RBFOX3: variants seen among roughly 807,000 people sequenced by gnomAD.
RBFOX3 encodes the protein RNA binding fox-1 homolog 3.
In RBFOX3, 17 loss-of-function variants were observed where a neutral mutation model predicts 48.7. The ratio of observed to expected loss-of-function variants is 0.35; its 90% CI spans 0.24 to 0.52. RBFOX3 has a LOEUF of 0.52. Ranked by LOEUF, RBFOX3 falls within the 20% of genes least tolerant of loss-of-function variation. RBFOX3 has a pLI of 0.94. For missense variants in RBFOX3, 382 were observed against 497.5 expected, an observed-to-expected ratio of 0.77 and a Z score of 2.21; for synonymous variants, 212 against 209.5, an observed-to-expected ratio of 1.01 and a Z score of -0.10.
chr17:79,185,086 A>G lies in RBFOX3; in HGVS notation c.-34+50680T>C, dbSNP rs142162033. Among the ~76,000 whole-genome samples the G allele has an allele frequency of 7.2e-3, 1,098 of 151,456 alleles. 13 individuals carry two copies. Among genetic ancestry groups the G allele is most frequent in the African/African-American group, 0.026 (1,051 of 40,794 alleles). On this transcript the variant is annotated intron_variant, in intron 4 of 14. Coordinates refer to ENST00000693108, the MANE Select transcript of RBFOX3 (RefSeq NM_001350451.2). ...TGCAGGCACCTGGGACCATTCTCTC[A>G]GGTGCCCCTTGTTCATCTTCTTCGT...
upstream of RBFOX3, among the ~76,000 whole-genome samples, chr17:79,613,611 C>T (rs909753123): frequency 6.6e-6 from 1 of 152,270 alleles, no homozygotes; most frequent in East Asian, 1.9e-4. Flanking sequence ...TTGGGGCCAA[C>T]AGGACGACTG....
intron 2 of RBFOX3, among the ~76,000 whole-genome samples, chr17:79,447,052 CT>C (rs1368203647): frequency 1.3e-5 from 2 of 152,240 alleles, no homozygotes; most frequent in African/African-American, 4.8e-5. Flanking sequence ...CTGGGCCTCC[CT>C]TCAAATGCCT....
chr17:79,179,941 A>C (rs2051503300), intron 4 of RBFOX3, among the ~76,000 whole-genome samples: 1 of 152,206 alleles, frequency 6.6e-6, no homozygotes, highest in Non-Finnish European at 1.5e-5. Context: ...GCCGGCGCCC[A>C]AGTGGGGCTC....
intron 1 of RBFOX3, among the ~76,000 whole-genome samples, chr17:79,508,555 A>T (rs1343816307): frequency 6.6e-6 from 1 of 152,156 alleles, no homozygotes; most frequent in Non-Finnish European, 1.5e-5. Context: ...GCTCGGCCGA[A>T]GCTGACTGGA....
At position 79,561,595 on chromosome 17, in the gene RBFOX3, G is replaced by A. The variant is rs1027807496; in HGVS notation, c.-320+49231C>T. ...CACCGCTGAAACTGAAAAGCGGTGC[G>A]TGTTGGTGACAGCAGTGAGTGCCCA... On this transcript the variant is annotated intron_variant, in intron 1 of 14. Coordinates refer to ENST00000693108, the MANE Select transcript of RBFOX3 (RefSeq NM_001350451.2). Among the ~76,000 whole-genome samples, 781 of 152,322 alleles carry A rather than the reference G, an allele frequency of 5.1e-3. 8 individuals are homozygous for A. Among genetic ancestry groups the A allele is most frequent in the South Asian group, 0.018 (89 of 4,820 alleles).
chr17:79,461,289 A>C (rs1555748642), intron 2 of RBFOX3, among the ~76,000 whole-genome samples: 1 of 152,362 alleles, frequency 6.6e-6, no homozygotes, highest in Non-Finnish European at 1.5e-5. Flanking sequence ...AACTCAGCCC[A>C]TGAGGACCTC....
At chr17:79,660,506 A>G in the RBFOX3 span, among the ~76,000 whole-genome samples, 1 of 152,388 alleles carries the variant, frequency 6.6e-6, no homozygotes, top group East Asian at 1.9e-4. Context: ...ACACATCTCA[A>G]AAGAAAACAT....
intron 1 of RBFOX3, among the ~76,000 whole-genome samples, chr17:79,567,222 C>T (rs1158323692): frequency 6.0e-5 from 8 of 134,068 alleles, no homozygotes; most frequent in Admixed American, 8.7e-5. Flanking sequence ...CTCACTCTGT[C>T]GCCCAGGCTG....
In RBFOX3 at chr17:79,158,724, G is replaced by A. The variant is rs1249042061; in HGVS notation, c.-33-42976C>T. Among the ~76,000 whole-genome samples, 6 of 152,180 alleles carry A rather than the reference G, an allele frequency of 3.9e-5. 1 individual carries two copies. Among genetic ancestry groups the A allele is most frequent in the African/African-American group, 7.2e-5 (3 of 41,440 alleles). ...TAAAACATAAATGAAAAAGGGCTCC[G>A]GGGCTGAGCAGGGCATGGAGGTGGC... is the stretch of plus-strand genomic sequence containing the variant. On this transcript the variant is annotated intron_variant, in intron 4 of 14. Transcript: ENST00000693108.
rs2076996302 is a variant in RBFOX3 at position 79,471,015 on chromosome 17, A to G, written c.-175+11439T>C. Among the ~76,000 whole-genome samples the G allele has an allele frequency of 7.7e-6, 1 of 130,450 alleles. No homozygotes were observed. Among genetic ancestry groups the G allele is most frequent in the South Asian group, 2.1e-4 (1 of 4,760 alleles). 85.6% of individuals were successfully genotyped at this position (130,450 alleles called of 152,430 possible). A position where few individuals can be genotyped will look rare whatever the true frequency, so the allele number is the denominator to read the frequency against. On this transcript the variant is annotated intron_variant, in intron 2 of 14. Transcript: ENST00000693108. This position sits in a 1 kb window ranked among gnomAD's most constrained non-coding sequence, Gnocchi z 4.0. ...TCTAGCTCTGTGATGCACCACCACG[A>G]AAAAAATAACAGCAGAACCAGCCCT...
chr17:79,619,744 C>T, the RBFOX3 span, among the ~76,000 whole-genome samples: 3 of 152,052 alleles, frequency 2.0e-5, no homozygotes, highest in Non-Finnish European at 2.9e-5. Context: ...CCTCCACGTC[C>T]CGGACGGACA....
rs150765224 is a variant in RBFOX3 at position 79,316,107 on chromosome 17, T to C, written c.-174-8283A>G. On this transcript the variant is annotated intron_variant, in intron 2 of 14. Transcript: ENST00000693108. ...TGAGCAGGCTGGGAGCACCAGGGTATAATTTGCCAAGTAAAAATTGGAGAG... is the reference window on the plus strand; with the variant it reads ...TGAGCAGGCTGGGAGCACCAGGGTACAATTTGCCAAGTAAAAATTGGAGAG... Among the ~76,000 whole-genome samples, 267 of 152,072 alleles carry C rather than the reference T, an allele frequency of 1.8e-3. 2 individuals carry two copies. Among genetic ancestry groups the C allele is most frequent in the African/African-American group, 6.2e-3 (257 of 41,474 alleles).
intron 2 of RBFOX3, among the ~76,000 whole-genome samples, chr17:79,442,471 A>G (rs1555735716): frequency 6.6e-6 from 1 of 151,340 alleles, no homozygotes; most frequent in African/African-American, 2.4e-5. Context: ...GGTAGTAAGG[A>G]GCTCACCCTG....
intron 2 of RBFOX3, among the ~76,000 whole-genome samples, chr17:79,320,099 C>G (rs1361119206): frequency 5.9e-5 from 9 of 152,138 alleles, no homozygotes; most frequent in African/African-American, 2.2e-4. Flanking sequence ...TTCTCTGGGC[C>G]AGCTTATCTT....
At chr17:79,118,808 A>C (rs2034833606) in intron 4 of RBFOX3, among the ~76,000 whole-genome samples, 2 of 97,054 alleles carry the variant, frequency 2.1e-5, no homozygotes, top group South Asian at 6.7e-4. Context: ...CCCTCTCTAC[A>C]AAAAATAAAA....
chr17:79,250,433 C>T (rs1222133495), intron 3 of RBFOX3, among the ~76,000 whole-genome samples: 3 of 151,732 alleles, frequency 2.0e-5, no homozygotes, highest in East Asian at 1.9e-4. Flanking sequence ...CCCCGGGGCT[C>T]GTGGTCAGAC....
chr17:79,500,419 G>C (rs2082237150), intron 1 of RBFOX3, among the ~76,000 whole-genome samples: 3 of 151,948 alleles, frequency 2.0e-5, no homozygotes. Flanking sequence ...CACCACGCCT[G>C]GCTAATTTTG....
At chr17:79,380,099 G>T (rs982463808) in intron 2 of RBFOX3, among the ~76,000 whole-genome samples, 6 of 151,056 alleles carry the variant, frequency 4.0e-5, no homozygotes, top group Non-Finnish European at 7.4e-5. Flanking sequence ...GTCCATGACC[G>T]CATGGCCATC....
At chr17:79,355,084 C>T (rs545261475) in intron 2 of RBFOX3, among the ~76,000 whole-genome samples, 7 of 152,332 alleles carry the variant, frequency 4.6e-5, no homozygotes, top group South Asian at 2.1e-4. Flanking sequence ...TTCTGACTCT[C>T]GGATTCCACT....
Sources: gnomAD v4.1 joint callset for allele counts (sites outside exome capture counted in the v4.1 genomes callset) on GRCh38, gnomAD v4.1.1 for gene constraint, Gnocchi (gnomAD v3.1) non-coding constraint, MANE v1.5 for transcripts, NCBI Gene and HGNC (gene_info 2026-07-23, HGNC 2026-07-21) for gene names.